The following DIP2C variants were observed in gnomAD, a reference collection of about 807,000 sequenced individuals.
The protein encoded by DIP2C is DIP2 acetate--CoA ligase C (putative), also known as disco-interacting protein 2 homolog C.
A neutral mutation model predicts 192.4 loss-of-function variants in DIP2C; 33 were observed. The ratio of observed to expected loss-of-function variants is 0.17; its 90% CI spans 0.13 to 0.23. DIP2C has a LOEUF of 0.23. Ranked by LOEUF, DIP2C falls within the 10% of genes least tolerant of loss-of-function variation. The pLI is 1.00. For missense variants in DIP2C, 1,537 were observed against 2,110.1 expected (o/e 0.73, Z 5.32); for synonymous variants, 979 against 864.1 (o/e 1.13, Z -2.33).
chr10:576,059 C>A (rs1055464775), intron 1 of DIP2C, among the ~76,000 whole-genome samples: 2 of 152,220 alleles, frequency 1.3e-5, no homozygotes, highest in African/African-American at 4.8e-5. Flanking sequence ...CAGGAACTCA[C>A]CTTTGTCCGG....
intron 3 of DIP2C, among the ~76,000 whole-genome samples, chr10:469,397 A>G (rs1353744745): frequency 6.7e-6 from 1 of 149,162 alleles, no homozygotes; most frequent in Non-Finnish European, 1.5e-5. Context: ...GGTCACGGCA[A>G]CCTCCACCTC....
chr10:570,266 T>TCA (rs558901355), intron 1 of DIP2C, among the ~76,000 whole-genome samples: 1 of 152,100 alleles, frequency 6.6e-6, no homozygotes, highest in Non-Finnish European at 1.5e-5. Context: ...CTTCACAGTG[T>TCA]CACAAGGTGG....
At position 399,103 on chromosome 10, in the gene DIP2C, C is replaced by T. The variant is rs755431692; in HGVS notation, c.1260+6G>A. The T allele has an allele frequency of 6.2e-7, 1 of 1,612,364 alleles. No homozygotes were observed. The highest frequency in any genetic ancestry group is 1.7e-5 in the Admixed American group (1 of 60,024). ...CGAGAAACCGAGCAAAGGGCGCATT[C>T]CTTACCTTCCTGGTGAGCGGCACCT... On this transcript the variant is annotated splice_donor_region_variant and intron_variant, in intron 10 of 36. Coordinates refer to ENST00000280886, the MANE Select transcript of DIP2C (RefSeq NM_014974.3).
rs886901714 is a variant in DIP2C at position 366,223 on chromosome 10, T to C, written c.2268+52A>G. 5.6e-6 allele frequency: 9 copies of C among 1,599,682 alleles called. No individual in the cohort carries two copies. In the Admixed American group the frequency reaches 1.5e-4, roughly 28 times the overall value. On this transcript the variant is annotated intron_variant, in intron 19 of 36. Transcript: ENST00000280886. Reference sequence around the variant, plus strand: ...ATCACTATGCACCTGGCAAGGGCTCTTTGGAGACGGAGCCACAGATGGTGC... The same window carrying C: ...ATCACTATGCACCTGGCAAGGGCTCCTTGGAGACGGAGCCACAGATGGTGC...
chr10:459,840 G>C (rs544486776), intron 3 of DIP2C, among the ~76,000 whole-genome samples: 1 of 138,748 alleles, frequency 7.2e-6, no homozygotes, highest in Non-Finnish European at 1.5e-5. Context: ...CGTGCTGCAC[G>C]TAGGCTCTAG....
chr10:358,108 G>A (rs1379347573), intron 22 of DIP2C, among the ~76,000 whole-genome samples, 171 bp from the exon 23 acceptor site: 1 of 152,172 alleles, frequency 6.6e-6, no homozygotes, highest in East Asian at 1.9e-4. Flanking sequence ...TGAAGGGGGA[G>A]TGTAACAAGC....
intron 1 of DIP2C, among the ~76,000 whole-genome samples, chr10:523,516 G>A (rs1211044507): frequency 7.1e-6 from 1 of 140,578 alleles, no homozygotes; most frequent in Non-Finnish European, 1.5e-5. Flanking sequence ...CCACACACTC[G>A]TTTCTACCTG....
chr10:301,709 C>T (rs1288594081), intron 32 of DIP2C, among the ~76,000 whole-genome samples: 3 of 152,212 alleles, frequency 2.0e-5, no homozygotes, highest in Non-Finnish European at 4.4e-5. Context: ...AGGGGCAGGA[C>T]CCGGGAGCCC....
chr10:388,220 C>G (rs1346597800), intron 13 of DIP2C, among the ~76,000 whole-genome samples: 1 of 152,190 alleles, frequency 6.6e-6, no homozygotes, highest in Non-Finnish European at 1.5e-5. Context: ...GGGGCCTACA[C>G]AGCTCTACTG....
At chr10:446,843 C>T (rs1385971255) in intron 3 of DIP2C, among the ~76,000 whole-genome samples, 1 of 152,074 alleles carries the variant, frequency 6.6e-6, no homozygotes, top group Non-Finnish European at 1.5e-5. Context: ...GGGTTTTCTC[C>T]TTTATTTTTT....
At chr10:346,660 T>C (rs868485435) in intron 26 of DIP2C, among the ~76,000 whole-genome samples, 230 of 21,162 alleles carry the variant, frequency 0.011, no homozygotes, top group Non-Finnish European at 0.014. Flanking sequence ...ACATATCGCG[T>C]ATAGTTCTCC....
chr10:417,346 T>C (rs1589744158), intron 6 of DIP2C, among the ~76,000 whole-genome samples: 1 of 151,806 alleles, frequency 6.6e-6, no homozygotes, highest in South Asian at 2.1e-4. Flanking sequence ...AGGATTTACC[T>C]GGGGAACAAA....
At chr10:356,896 G>A (rs561537089) in intron 23 of DIP2C, among the ~76,000 whole-genome samples, 53 of 152,316 alleles carry the variant, frequency 3.5e-4, no homozygotes, top group African/African-American at 9.4e-4. Flanking sequence ...GATGCAAAGC[G>A]GATTTTGGTG....
In DIP2C at chr10:367,934, CG is replaced by C. The variant is rs1485489830; in HGVS notation, c.2132-1524del. 9.1e-3 allele frequency among the ~76,000 whole-genome samples: 1,367 copies of C among 149,544 alleles called. 343 individuals are homozygous for C. Among genetic ancestry groups the C allele is most frequent in the African/African-American group, 0.018 (742 of 40,378 alleles). Reference sequence around the variant, plus strand: ...CTCCGACGGGGGCCCGGGAAGCCCGCGGTTGCTCTCACTGCCGCACAGCCCC... The same window carrying C: ...CTCCGACGGGGGCCCGGGAAGCCCGCGTTGCTCTCACTGCCGCACAGCCCC... On this transcript the variant is annotated intron_variant, in intron 18 of 36. Coordinates refer to ENST00000280886, the MANE Select transcript of DIP2C (RefSeq NM_014974.3).
At chr10:424,234 C>T (rs929893621) in intron 4 of DIP2C, among the ~76,000 whole-genome samples, 2 of 151,650 alleles carry the variant, frequency 1.3e-5, no homozygotes, top group East Asian at 1.9e-4. Context: ...ATAATAATTG[C>T]AAACAATATA....
At chr10:295,716 A>G (rs1589411930) in intron 32 of DIP2C, among the ~76,000 whole-genome samples, 1 of 151,856 alleles carries the variant, frequency 6.6e-6, no homozygotes, top group South Asian at 2.1e-4. Context: ...GTAAACTAAT[A>G]CAGCCACTAT....
chr10:640,024 C>T (rs893262954), intron 1 of DIP2C, among the ~76,000 whole-genome samples: 2 of 150,342 alleles, frequency 1.3e-5, no homozygotes, highest in Admixed American at 6.6e-5. Context: ...CATCCCCACG[C>T]GGCTAAATCT....
intron 1 of DIP2C, among the ~76,000 whole-genome samples, chr10:575,626 G>A (rs1850101334): frequency 6.6e-6 from 1 of 152,156 alleles, no homozygotes; most frequent in Non-Finnish European, 1.5e-5. Context: ...AAGAACACAA[G>A]CCTTCCAGAC....
rs557070460 is a variant in DIP2C at position 563,873 on chromosome 10, T to A, written c.86-77343A>T. Among the ~76,000 whole-genome samples, 7 of 152,332 alleles carry A rather than the reference T, an allele frequency of 4.6e-5. No homozygotes were observed. The South Asian group carries it at 1.4e-3, about 32-fold the overall frequency. On this transcript the variant is annotated intron_variant, in intron 1 of 36. Transcript: ENST00000280886. ...AATTAAGAAGCAAGGCAAATGAGTG[T>A]GAGTCATTTTCCTTAGTTCTTAATG...
Sources: gnomAD v4.1 joint callset for allele counts (sites outside exome capture counted in the v4.1 genomes callset) on GRCh38, gnomAD v4.1.1 for gene constraint, MANE v1.5 for transcripts, NCBI Gene and HGNC (gene_info 2026-07-23, HGNC 2026-07-21) for gene names.